Variants in MROH2A observed in about 807,000 individuals in gnomAD.
MROH2A encodes the protein maestro heat-like repeat-containing protein family member 2A.
MROH2A carries 174 observed loss-of-function variants against 200.4 expected under a neutral mutation model. The ratio of observed to expected loss-of-function variants is 0.87; its 90% CI spans 0.77 to 0.98. The LOEUF (loss-of-function observed/expected upper bound fraction) is 0.98, where lower values mean the gene tolerates loss of function less well. MROH2A is among the 50% of genes least tolerant of loss of function. MROH2A has a pLI of 0.00. For synonymous variants in MROH2A, 829 were observed against 840.4 expected (o/e 0.99, Z 0.23); for missense variants, 2,045 against 2,139.6 (o/e 0.96, Z 0.87).
At chr2:233,777,626 T>C (rs193036947), upstream of MROH2A, among the ~76,000 whole-genome samples, 1 of 152,346 alleles carries the variant, frequency 6.6e-6, no homozygotes. Flanking sequence ...CTCCCTCGTA[T>C]TGGAGGTGTC....
intron 22 of MROH2A, 57 bp from the exon 23 acceptor site, chr2:233,810,737 A>G (rs1703098847): frequency 3.9e-6 from 6 of 1,536,596 alleles, no homozygotes; most frequent in Non-Finnish European, 5.3e-6. Flanking sequence ...TGCAGCTTGG[A>G]TTCTTCTGGG....
intron 35 of MROH2A, among the ~76,000 whole-genome samples, chr2:233,825,777 CT>C (rs1360801733): frequency 6.6e-6 from 1 of 151,762 alleles, no homozygotes; most frequent in South Asian, 2.1e-4. Context: ...CTGAAGTTTT[CT>C]TTTTTTTGTT....
chr2:233,789,654 C>T lies in MROH2A; in HGVS notation c.408+26C>T, dbSNP rs1402077137. On this transcript the variant is annotated intron_variant, in intron 4 of 41. Coordinates refer to ENST00000389758, the MANE Select transcript of MROH2A (RefSeq NM_001394639.1). Reference sequence around the variant, plus strand: ...GTAGGACCCCAAGCTCCATCGGTGCCTTCCCTCTGCCAGCCCAGGAGCTGG... The same window carrying T: ...GTAGGACCCCAAGCTCCATCGGTGCTTTCCCTCTGCCAGCCCAGGAGCTGG... The T allele has an allele frequency of 3.4e-6, 5 of 1,449,676 alleles. No individual in the cohort carries two copies. In the East Asian group the frequency reaches 7.5e-5, roughly 22 times the overall value. 89.8% of individuals were successfully genotyped at this position (1,449,676 alleles called of 1,614,324 possible).
In MROH2A at chr2:233,820,022, A is replaced by C. The variant is rs1344441404; in HGVS notation, c.3478A>C (p.Thr1160Pro). 2 of 1,543,234 alleles carry C rather than the reference A, an allele frequency of 1.3e-6. No homozygotes were observed. Among genetic ancestry groups the C allele is most frequent in the Non-Finnish European group, 1.8e-6 (2 of 1,141,968 alleles). The change falls in exon 31 of 42, where the codon ACA becomes CCA. Residue 1160 changes from threonine to proline, a missense_variant. Thr to Pro is a conservative substitution (Grantham distance 38). Coordinates refer to ENST00000389758, the MANE Select transcript of MROH2A (RefSeq NM_001394639.1). This position sits in a 1 kb window ranked among gnomAD's most constrained non-coding sequence, Gnocchi z 4.1. ...LAHHHQETIL[T>P]SLLRQPLPME... ...GCACCACCACCAGGAGACCATCCTC[A>C]CATCGCTCCTGAGGCAGCCACTGCC... is the stretch of plus-strand genomic sequence containing the variant.
chr2:233,811,287 A>G (rs1190745311), intron 23 of MROH2A, among the ~76,000 whole-genome samples: 1 of 152,210 alleles, frequency 6.6e-6, no homozygotes, highest in Non-Finnish European at 1.5e-5. Flanking sequence ...ACTTAGAGTG[A>G]AGCCCTGAAG....
At chr2:233,799,403 G>A (rs919160198) in intron 12 of MROH2A, among the ~76,000 whole-genome samples, 2 of 152,196 alleles carry the variant, frequency 1.3e-5, no homozygotes, top group East Asian at 3.9e-4. Context: ...CCTGGAGGCT[G>A]TGGAGGGAAG....
At position 233,802,308 on chromosome 2, in the gene MROH2A, C is replaced by G. The variant is rs986277935; in HGVS notation, c.1701C>G (p.Ser567Arg). Residue 567 changes from serine (S) to arginine (R), a missense_variant, in exon 15 of 42, where the codon AGC becomes AGG. Coordinates refer to ENST00000389758, the MANE Select transcript of MROH2A (RefSeq NM_001394639.1). ...TGGATGTCAGCGTGGCTGGCAAGAG[C>G]AGGCAAGGTGGGCAAAGTTCCTGTC... is the stretch of plus-strand genomic sequence containing the variant. ...QDVDVSVAGKSRQVDLPAPQK... is the reference protein window; with the variant it reads ...QDVDVSVAGKRRQVDLPAPQK... 8.4e-6 allele frequency: 13 copies of G among 1,549,380 alleles called. No individual in the cohort carries two copies. Among genetic ancestry groups the G allele is most frequent in the African/African-American group, 4.1e-5 (3 of 73,012 alleles).
chr2:233,787,456 T>A (rs1372394066), intron 3 of MROH2A, among the ~76,000 whole-genome samples: 1 of 124,700 alleles, frequency 8.0e-6, no homozygotes, highest in African/African-American at 3.1e-5. Flanking sequence ...TACATATATA[T>A]TATATATATA....
At chr2:233,785,816 G>C (rs1234070639) in intron 3 of MROH2A, among the ~76,000 whole-genome samples, 1 of 152,106 alleles carries the variant, frequency 6.6e-6, no homozygotes, top group Non-Finnish European at 1.5e-5. Context: ...GCTCTGTGTT[G>C]GTTGGAATAC....
chr2:233,783,639 G>A (rs1312077802), intron 3 of MROH2A, among the ~76,000 whole-genome samples: 4 of 152,044 alleles, frequency 2.6e-5, no homozygotes, highest in African/African-American at 7.2e-5. Context: ...TCTGCCTCCC[G>A]GGTTCAAGCG....
chr2:233,807,663 G>A lies in MROH2A; in HGVS notation c.2173-70G>A, dbSNP rs6716876. ...GTGTACATGTGTGTGTGCCTTGCACGTGTGTGTGTGGGATCCTCCTCTGCC... is the reference window on the plus strand; with the variant it reads ...GTGTACATGTGTGTGTGCCTTGCACATGTGTGTGTGGGATCCTCCTCTGCC... On this transcript the variant is annotated intron_variant, in intron 20 of 41. Transcript: ENST00000389758. This position sits in a 1 kb window ranked among gnomAD's most constrained non-coding sequence, Gnocchi z 4.3. The A allele has an allele frequency of 0.25, 378,552 of 1,544,952 alleles. 51,272 individuals carry two copies. The highest frequency in any genetic ancestry group is 0.48 in the African/African-American group (35,336 of 73,036).
intron 14 of MROH2A, 22 bp downstream of exon 14, chr2:233,800,337 C>T (rs1043049316): frequency 1.7e-5 from 24 of 1,436,456 alleles, no homozygotes; most frequent in Admixed American, 8.6e-5. Flanking sequence ...CTGCCCCACC[C>T]GCACAGTGGG....
intron 3 of MROH2A, among the ~76,000 whole-genome samples, chr2:233,786,884 A>C (rs1475545026): frequency 2.0e-5 from 3 of 152,236 alleles, no homozygotes; most frequent in Non-Finnish European, 4.4e-5. Flanking sequence ...TGTTCAAATG[A>C]GAATTTTACC....
chr2:233,818,013 G>T lies in MROH2A; in HGVS notation c.2973G>T (p.Lys991Asn). The change falls in exon 28 of 42, where the codon AAG (lysine) becomes AAT (asparagine). Residue 991 changes from lysine (K) to asparagine (N), a missense_variant. Coordinates refer to ENST00000389758, the MANE Select transcript of MROH2A (RefSeq NM_001394639.1). ...VHSTAVCIHLKLGQFGTMVGL... is the reference protein window; with the variant it reads ...VHSTAVCIHLNLGQFGTMVGL... Reference sequence around the variant, plus strand: ...CTCCTGTCCCTCAGATCCACCTAAAGCTGGGGCAGTTTGGCACAATGGTCG... The same window carrying T: ...CTCCTGTCCCTCAGATCCACCTAAATCTGGGGCAGTTTGGCACAATGGTCG... The T allele has an allele frequency of 6.4e-7, 1 of 1,550,962 alleles. No homozygotes were observed. The highest frequency in any genetic ancestry group is 8.7e-7 in the Non-Finnish European group (1 of 1,147,088).
At chr2:233,790,068 T>A in intron 5 of MROH2A, 54 bp downstream of exon 5, 1 of 1,448,156 alleles carries the variant, frequency 6.9e-7, no homozygotes, top group Admixed American at 2.4e-5. Context: ...GGTCTCTGCC[T>A]CTCTCTGCCC....
rs1295776117 is a variant in MROH2A, at chr2:233,807,933, T to C, written c.2295+78T>C. On this transcript the variant is annotated intron_variant, in intron 21 of 41. Coordinates refer to ENST00000389758, the MANE Select transcript of MROH2A (RefSeq NM_001394639.1). This position sits in a 1 kb window ranked among gnomAD's most constrained non-coding sequence, Gnocchi z 4.3. The stretch of plus-strand genomic sequence containing the variant: ...CTGGGCACTGACACAAAGTCCTTTC[T>C]AGATCTCAGTAGGAAACTTGCCTCA... The C allele has an allele frequency of 5.9e-6, 9 of 1,525,680 alleles. No individual in the cohort carries two copies. The highest frequency in any genetic ancestry group is 8.0e-6 in the Non-Finnish European group (9 of 1,127,278). 94.5% of individuals were successfully genotyped at this position (1,525,680 alleles called of 1,614,324 possible).
intron 30 of MROH2A, 73 bp from the exon 31 acceptor site, chr2:233,819,829 G>A (rs370191336): frequency 4.2e-6 from 6 of 1,417,100 alleles, no homozygotes; most frequent in East Asian, 5.1e-5. Context: ...TAGAGCAGGG[G>A]CATGTCATGG....
chr2:233,812,617 C>A lies in MROH2A; in HGVS notation c.2651+658C>A, dbSNP rs549593288. On this transcript the variant is annotated intron_variant, in intron 24 of 41. Transcript: ENST00000389758. Reference sequence around the variant, plus strand: ...AATGATATGCTGAGTACTGAAGGGACACAGAGATACATAAGACCTAGTCCC... The same window carrying A: ...AATGATATGCTGAGTACTGAAGGGAAACAGAGATACATAAGACCTAGTCCC... 1.8e-3 allele frequency among the ~76,000 whole-genome samples: 269 copies of A among 152,222 alleles called. 2 individuals carry two copies. Among genetic ancestry groups the A allele is most frequent in the African/African-American group, 6.0e-3 (250 of 41,526 alleles).
At chr2:233,821,992 C>G in intron 31 of MROH2A, 132 bp from the exon 32 acceptor site, 2 of 1,171,874 alleles carry the variant, frequency 1.7e-6, no homozygotes, top group Non-Finnish European at 1.2e-6. Context: ...TGGCGGCTCC[C>G]TCCGCCTCCC....
Sources: allele counts gnomAD v4.1 joint callset (sites outside exome capture counted in the v4.1 genomes callset), GRCh38; gene constraint gnomAD v4.1.1; non-coding constraint Gnocchi (gnomAD v3.1); transcripts MANE v1.5; gene names NCBI Gene and HGNC (gene_info 2026-07-23, HGNC 2026-07-21).